The following ANKRD30A variants were observed in gnomAD, a reference collection of about 807,000 sequenced individuals.
ANKRD30A encodes the protein ankyrin repeat domain 30A.
In ANKRD30A, 170 loss-of-function variants were observed where a neutral mutation model predicts 166.3. The ratio of observed to expected loss-of-function variants is 1.02; its 90% confidence interval spans 0.90 to 1.16. The LOEUF (loss-of-function observed/expected upper bound fraction) is 1.16. ANKRD30A is among the 50% of genes most tolerant of loss of function. The pLI, the probability that ANKRD30A is intolerant of heterozygous loss-of-function variation, is 0.00. For synonymous variants in ANKRD30A, 564 were observed against 508.9 expected (o/e 1.11, Z -1.46); for missense variants, 1,630 against 1,518.0 (o/e 1.07, Z -1.23).
At position 37,193,074 on chromosome 10, in the gene ANKRD30A, T is replaced by C. The variant is rs1312024418; in HGVS notation, c.2523T>C (p.Asp841=). Residue 841 remains aspartate, a synonymous_variant, in exon 26 of 36, where the codon GAT becomes GAC. Coordinates refer to ENST00000361713, the MANE Select transcript of ANKRD30A (RefSeq NM_052997.3). ...KINGKLEESP[D]NDGFLKAPCR... ...TCCCTTTTCTTTTAGAGTCTCCTGA[T>C]AATGATGGTTTTCTGAAGGTAATAA... is the stretch of plus-strand genomic sequence containing the variant. 1.1e-5 allele frequency: 17 copies of C among 1,609,914 alleles called. No homozygotes were observed. The highest frequency in any genetic ancestry group is 3.3e-5 in the South Asian group (3 of 90,884).
chr10:37,192,507 C>A (rs34191815), intron 25 of ANKRD30A, among the ~76,000 whole-genome samples: 6,315 of 152,096 alleles, frequency 0.042, 238 homozygotes, highest in South Asian at 0.061. Flanking sequence ...AGTAGAAATG[C>A]TGCTAAATTT....
chr10:37,206,114 A>C (rs1348861479), intron 31 of ANKRD30A, among the ~76,000 whole-genome samples: 2 of 152,196 alleles, frequency 1.3e-5, no homozygotes, highest in Non-Finnish European at 2.9e-5. Flanking sequence ...ATTTATTTTA[A>C]AAAGTGTTGA....
chr10:37,244,775 A>G, the ANKRD30A span, among the ~76,000 whole-genome samples: 2 of 152,116 alleles, frequency 1.3e-5, no homozygotes, highest in Non-Finnish European at 2.9e-5. Context: ...TCCTGACTCT[A>G]TTCAGTTTTT....
At chr10:37,164,697 T>A (rs188525225) in intron 17 of ANKRD30A, among the ~76,000 whole-genome samples, 91 of 152,168 alleles carry the variant, frequency 6.0e-4, no homozygotes, top group African/African-American at 1.9e-3. Flanking sequence ...TAAGAGAGAT[T>A]GCTGAGTCAA....
At chr10:37,224,054 T>C in intron 34 of ANKRD30A, among the ~76,000 whole-genome samples, 1 of 151,320 alleles carries the variant, frequency 6.6e-6, no homozygotes, top group South Asian at 2.1e-4. Context: ...TATTCTATTT[T>C]AATGTTTTTT....
At chr10:37,232,654 T>TTATATATATATATATATATATATA (rs10559316), downstream of ANKRD30A, 232 of 54,102 alleles carry the variant, frequency 4.3e-3, 4 homozygotes, top group Middle Eastern at 0.012. Flanking sequence ...AGCATTGGTT[T>TTATATATATATATATATATATATA]TATATATATA....
At chr10:37,178,724 T>C in intron 24 of ANKRD30A, 2 of 649,834 alleles carry the variant, frequency 3.1e-6, no homozygotes, top group Non-Finnish European at 3.8e-6. Flanking sequence ...AAAAAATAAT[T>C]TTAACAGGTG....
At chr10:37,225,707 C>T (rs572810513) in intron 34 of ANKRD30A, among the ~76,000 whole-genome samples, 12 of 151,746 alleles carry the variant, frequency 7.9e-5, no homozygotes, top group African/African-American at 2.9e-4. Flanking sequence ...ACTGCTCATT[C>T]CATGTCTTGA....
chr10:37,155,212 G>A (rs1175057412), intron 13 of ANKRD30A, among the ~76,000 whole-genome samples: 1 of 152,084 alleles, frequency 6.6e-6, no homozygotes, highest in Non-Finnish European at 1.5e-5. Context: ...AAATTTAAAT[G>A]AAATACAGCA....
rs377742235 is a variant in ANKRD30A, at chr10:37,162,734, T to C, written c.1930-42T>C. On this transcript the variant is annotated intron_variant, in intron 16 of 35. Transcript: ENST00000361713. ...CTTATTATCTATGTATTTTGTGAAG[T>C]ATACATTCTTTATTAATCATTTTGC... The C allele has an allele frequency of 4.8e-5, 78 of 1,613,190 alleles. 1 individual carries two copies. The African/African-American group carries it at 6.1e-4, about 13-fold the overall frequency.
chr10:37,248,317 T>C, the ANKRD30A span: 6 of 389,010 alleles, frequency 1.5e-5, no homozygotes, highest in Non-Finnish European at 3.0e-5. Flanking sequence ...CATCTGCCTA[T>C]GAGATATCTG....
At chr10:37,152,429 T>C (rs548753348) in intron 12 of ANKRD30A, among the ~76,000 whole-genome samples, 2 of 152,112 alleles carry the variant, frequency 1.3e-5, no homozygotes, top group African/African-American at 4.8e-5. Flanking sequence ...AGAATTACAC[T>C]GATTCCAGCT....
chr10:37,128,278 T>C (rs557120391), intron 1 of ANKRD30A, among the ~76,000 whole-genome samples: 3 of 152,178 alleles, frequency 2.0e-5, no homozygotes, highest in African/African-American at 7.2e-5. Context: ...TACAATGCTA[T>C]TAGTAAAAGT....
At chr10:37,179,025 T>C (rs1160762174) in intron 24 of ANKRD30A, among the ~76,000 whole-genome samples, 4 of 29,340 alleles carry the variant, frequency 1.4e-4, no homozygotes, top group African/African-American at 4.1e-4. Context: ...TATATATATA[T>C]ATATATATAT....
In ANKRD30A at chr10:37,142,155, G is replaced by A. The variant is rs752237951; in HGVS notation, c.1258G>A (p.Glu420Lys). 1.2e-6 allele frequency: 2 copies of A among 1,614,026 alleles called. No homozygotes were observed. The highest frequency in any genetic ancestry group is 4.5e-5 in the East Asian group (2 of 44,864). Residue 420 changes from glutamate to lysine, a missense_variant, in exon 7 of 36, where the codon GAG becomes AAG. Physicochemically the swap from Glu to Lys is moderately conservative, Grantham distance 56. This residue lies in a region of ANKRD30A where 904 missense variants were observed against 818.5 expected (regional missense o/e 1.10). Transcript: ENST00000361713. Reference sequence around the variant, plus strand: ...AGGAAGACCTAGGAAGATCGCATGGGAGAAAAAAGAAACACCTGTAAAGAC... The same window carrying A: ...AGGAAGACCTAGGAAGATCGCATGGAAGAAAAAAGAAACACCTGTAAAGAC... ...AKGRPRKIAW[E>K]KKETPVKTGC...
At chr10:37,232,654 T>TTATATA (rs10559316), downstream of ANKRD30A, 105 of 54,178 alleles carry the variant, frequency 1.9e-3, 1 homozygote, top group Middle Eastern at 0.012. Flanking sequence ...AGCATTGGTT[T>TTATATA]TATATATATA....
intron 24 of ANKRD30A, among the ~76,000 whole-genome samples, chr10:37,179,664 A>T (rs1840052552): frequency 6.9e-6 from 1 of 144,658 alleles, no homozygotes; most frequent in Non-Finnish European, 1.5e-5. Context: ...TGGCTTCTCA[A>T]TGACAGGACA....
At chr10:37,150,076 C>G (rs1469396832) in intron 11 of ANKRD30A, among the ~76,000 whole-genome samples, 2 of 151,902 alleles carry the variant, frequency 1.3e-5, no homozygotes, top group African/African-American at 4.8e-5. Context: ...ACTTTTGTAT[C>G]CCGAAACTGT....
chr10:37,193,367 A>T (rs1840763818), intron 27 of ANKRD30A, 109 bp downstream of exon 27: 1 of 1,295,404 alleles, frequency 7.7e-7, no homozygotes, highest in African/African-American at 1.5e-5. Context: ...ATTTGATGGG[A>T]AATTTCGATA....
Sources: gnomAD v4.1 joint callset for allele counts (sites outside exome capture counted in the v4.1 genomes callset) on GRCh38, gnomAD v4.1.1 for gene constraint, gnomAD v4.1.1 regional missense constraint, MANE v1.5 for transcripts, NCBI Gene and HGNC (gene_info 2026-07-23, HGNC 2026-07-21) for gene names.